The following THRB variants were observed in gnomAD, a reference collection of about 807,000 sequenced individuals.
THRB encodes thyroid hormone receptor beta, also known as nuclear receptor subfamily 1 group A member 2.
A neutral mutation model predicts 47.8 loss-of-function variants in THRB; 12 were observed. The observed-to-expected ratio is 0.25, with a 90% CI of 0.16 to 0.41. The LOEUF (loss-of-function observed/expected upper bound fraction) is 0.41. Among genes scored for constraint, THRB ranks in the 10% least tolerant of loss-of-function variants. The pLI is 1.00. For missense variants in THRB, 348 were observed against 589.2 expected (o/e 0.59, Z 4.24); for synonymous variants, 218 against 212.2 (o/e 1.03, Z -0.24).
At chr3:24,199,004 T>C (rs2044290760) in intron 4 of THRB, among the ~76,000 whole-genome samples, 1 of 152,200 alleles carries the variant, frequency 6.6e-6, no homozygotes, top group Admixed American at 6.5e-5. Flanking sequence ...ATGTTAGTGA[T>C]AGCTCAGATT....
At chr3:24,470,852 A>G (rs546729389) in intron 1 of THRB, among the ~76,000 whole-genome samples, 1 of 152,258 alleles carries the variant, frequency 6.6e-6, no homozygotes, top group South Asian at 2.1e-4. Flanking sequence ...CCTGACCTCA[A>G]GTGATCAGCC....
At chr3:24,179,950 G>A (rs971543440) in intron 5 of THRB, among the ~76,000 whole-genome samples, 2 of 152,066 alleles carry the variant, frequency 1.3e-5, no homozygotes, top group African/African-American at 4.8e-5. Context: ...AAGATAACAA[G>A]GAAAAGGTAA....
In THRB at chr3:24,423,683, T is replaced by G. The variant is rs370685576; in HGVS notation, c.-261+70969A>C. ...TGAGCAATTCCAAGGACAGCAATAG[T>G]ACTATACAATTGTCTGTGTACTATA... On this transcript the variant is annotated intron_variant, in intron 1 of 10. Transcript: ENST00000646209. Among the ~76,000 whole-genome samples, 155 of 151,990 alleles carry G rather than the reference T, an allele frequency of 1.0e-3. 2 individuals are homozygous for G. In the South Asian group the frequency reaches 0.031, roughly 31 times the overall value.
At chr3:24,231,056 C>A (rs990043652) in intron 3 of THRB, among the ~76,000 whole-genome samples, 2 of 152,182 alleles carry the variant, frequency 1.3e-5, no homozygotes, top group Non-Finnish European at 2.9e-5. Context: ...CAGCTGTATC[C>A]TCTTCTGCTC....
intron 1 of THRB, among the ~76,000 whole-genome samples, chr3:24,488,623 G>T (rs1051778274): frequency 6.6e-6 from 1 of 150,848 alleles, no homozygotes; most frequent in African/African-American, 2.4e-5. Flanking sequence ...TCAATGATTT[G>T]CACATTGTCC....
chr3:24,345,334 G>T (rs143023930), intron 1 of THRB, among the ~76,000 whole-genome samples: 22 of 152,206 alleles, frequency 1.4e-4, no homozygotes, highest in African/African-American at 5.3e-4. Context: ...ACAAAGCATG[G>T]CAGGGAAACC....
intron 3 of THRB, among the ~76,000 whole-genome samples, chr3:24,241,913 T>C (rs911895714): frequency 6.6e-6 from 1 of 152,116 alleles, no homozygotes; most frequent in Non-Finnish European, 1.5e-5. Flanking sequence ...TGCACTCCCC[T>C]GCCCATCGCC....
Position 24,117,547 on chromosome 3 carries a change from T to C in THRB, c.*5337A>G, listed in dbSNP as rs2030888443. ...AATTAGGCCAGAATTTTCATTAGAA[T>C]TGTTGGAGAAAAGAAATTCTCCTTT... On this transcript the variant is annotated 3_prime_UTR_variant, in exon 11 of 11. Transcript: ENST00000646209. 1 of 152,246 alleles carries C rather than the reference T, an allele frequency of 6.6e-6. No homozygotes were observed. The highest frequency in any genetic ancestry group is 6.5e-5 in the Admixed American group (1 of 15,288). The allele number at this position is 152,246 out of a possible 1,614,324, so 9.4% of individuals were successfully genotyped here.
At chr3:24,148,667 T>A (rs2036472155) in intron 6 of THRB, among the ~76,000 whole-genome samples, 3 of 152,188 alleles carry the variant, frequency 2.0e-5, no homozygotes, top group African/African-American at 4.8e-5. Flanking sequence ...CAGCCCAAAT[T>A]TTTATGATCC....
At chr3:24,228,579 A>G in intron 4 of THRB, among the ~76,000 whole-genome samples, 1 of 150,794 alleles carries the variant, frequency 6.6e-6, no homozygotes, top group East Asian at 1.9e-4. Flanking sequence ...GCTGCAGTAA[A>G]CCGTGAGTGC....
intron 1 of THRB, among the ~76,000 whole-genome samples, chr3:24,385,136 T>C (rs984191097): frequency 3.3e-5 from 5 of 152,124 alleles, no homozygotes; most frequent in Non-Finnish European, 5.9e-5. Context: ...TTTTATGATA[T>C]AATAAGAATT....
intron 1 of THRB, among the ~76,000 whole-genome samples, chr3:24,414,893 G>A (rs548950635): frequency 6.6e-6 from 1 of 151,714 alleles, no homozygotes; most frequent in African/African-American, 2.4e-5. Flanking sequence ...AAAATGAAAC[G>A]GCATTAGCTG....
At position 24,369,151 on chromosome 3, in the gene THRB, G is replaced by T. The variant is rs2149724332; in HGVS notation, c.-260-31780C>A. Among the ~76,000 whole-genome samples the T allele has an allele frequency of 1.3e-5, 2 of 152,184 alleles. 1 individual carries two copies. The highest frequency in any genetic ancestry group is 4.8e-5 in the African/African-American group (2 of 41,534). ...TGAGAACTCACCATAATTCTATAAAGACATCTTATATGTTTGCATTGGAAG... is the reference window on the plus strand; with the variant it reads ...TGAGAACTCACCATAATTCTATAAATACATCTTATATGTTTGCATTGGAAG... On this transcript the variant is annotated intron_variant, in intron 1 of 10. Coordinates refer to ENST00000646209, the MANE Select transcript of THRB (RefSeq NM_001354712.2).
upstream of THRB, chr3:24,495,406 T>A (rs1698878355): frequency 6.5e-6 from 1 of 153,390 alleles, no homozygotes; most frequent in African/African-American, 2.4e-5. Flanking sequence ...AGCGCCCGGC[T>A]TGCCGACCCC....
intron 1 of THRB, among the ~76,000 whole-genome samples, chr3:24,363,552 C>T (rs993687325): frequency 4.6e-5 from 7 of 152,152 alleles, no homozygotes; most frequent in African/African-American, 1.7e-4. Flanking sequence ...TAAACCAAAA[C>T]GTGAAGCTCA....
chr3:24,154,116 G>A (rs574854337), intron 5 of THRB, among the ~76,000 whole-genome samples: 101 of 152,294 alleles, frequency 6.6e-4, no homozygotes, highest in African/African-American at 2.4e-3. Context: ...ACTTGAAAGT[G>A]AGGTTTAGTA....
Position 24,125,122 on chromosome 3 carries a change from T to C in THRB, c.1145-1997A>G, listed in dbSNP as rs533416493. Among the ~76,000 whole-genome samples the C allele has an allele frequency of 2.0e-5, 3 of 152,070 alleles. No homozygotes were observed. In the South Asian group the frequency reaches 6.2e-4, roughly 32 times the overall value. Reference sequence around the variant, plus strand: ...TTATTTGCTTAATAATCTGTTAAACTGACCCACTACAGAGGAAACATCTTA... The same window carrying C: ...TTATTTGCTTAATAATCTGTTAAACCGACCCACTACAGAGGAAACATCTTA... On this transcript the variant is annotated intron_variant, in intron 10 of 10. Coordinates refer to ENST00000646209, the MANE Select transcript of THRB (RefSeq NM_001354712.2).
intron 1 of THRB, among the ~76,000 whole-genome samples, chr3:24,342,403 G>A (rs2062727290): frequency 6.6e-6 from 1 of 152,154 alleles, no homozygotes; most frequent in Non-Finnish European, 1.5e-5. Flanking sequence ...GAATGGAGGT[G>A]TTGATATTGG....
At chr3:24,378,231 A>G (rs958970286) in intron 1 of THRB, among the ~76,000 whole-genome samples, 2 of 152,198 alleles carry the variant, frequency 1.3e-5, no homozygotes, top group Non-Finnish European at 2.9e-5. Flanking sequence ...AAAATTACTC[A>G]TGATTATTTA....
Sources: allele counts gnomAD v4.1 joint callset (sites outside exome capture counted in the v4.1 genomes callset), GRCh38; gene constraint gnomAD v4.1.1; transcripts MANE v1.5; gene names NCBI Gene and HGNC (gene_info 2026-07-23, HGNC 2026-07-21).